POFUT3: variants seen among roughly 807,000 people sequenced by gnomAD.
POFUT3 encodes the protein GDP-fucose protein O-fucosyltransferase 3.
the POFUT3 span, chr8:33,372,404 C>T: frequency 7.1e-7 from 1 of 1,398,792 alleles, no homozygotes; most frequent in South Asian, 1.7e-5. Context: ...AGTGGCTACC[C>T]CTAAGGGTAA....
chr8:33,380,056 A>C, the POFUT3 span, among the ~76,000 whole-genome samples: 1 of 79,820 alleles, frequency 1.3e-5, no homozygotes, highest in Non-Finnish European at 2.1e-5. Context: ...TATACACTAT[A>C]TATATACACT....
chr8:33,416,246 G>C, the POFUT3 span, among the ~76,000 whole-genome samples: 3 of 152,342 alleles, frequency 2.0e-5, no homozygotes, highest in South Asian at 6.2e-4. Context: ...AATTAATCCA[G>C]GAAAGTGGAT....
At chr8:33,419,590 C>T in the POFUT3 span, among the ~76,000 whole-genome samples, 6 of 152,146 alleles carry the variant, frequency 3.9e-5, no homozygotes, top group South Asian at 2.1e-4. Context: ...CAGGCCCTGA[C>T]GTTGGGAACC....
the POFUT3 span, chr8:33,371,429 C>T: frequency 1.3e-5 from 2 of 152,224 alleles, no homozygotes; most frequent in Admixed American, 6.5e-5. Flanking sequence ...TCAATTCCCC[C>T]TCATGCCATG....
chr8:33,441,787 G>A, the POFUT3 span, among the ~76,000 whole-genome samples: 11 of 152,180 alleles, frequency 7.2e-5, no homozygotes, highest in Admixed American at 5.2e-4. Flanking sequence ...GGAGCTGCAC[G>A]CACATCTCAG....
the POFUT3 span, among the ~76,000 whole-genome samples, chr8:33,463,765 T>C: frequency 6.6e-6 from 1 of 152,182 alleles, no homozygotes; most frequent in African/African-American, 2.4e-5. Flanking sequence ...TTGTCCAGGC[T>C]GGTCTTGGAC....
the POFUT3 span, among the ~76,000 whole-genome samples, chr8:33,386,419 A>C: frequency 6.6e-6 from 1 of 152,080 alleles, no homozygotes; most frequent in African/African-American, 2.4e-5. Flanking sequence ...TCCAGAGAGA[A>C]GGACATCCAA....
At chr8:33,380,172 T>C in the POFUT3 span, among the ~76,000 whole-genome samples, 1 of 71,670 alleles carries the variant, frequency 1.4e-5, no homozygotes, top group Non-Finnish European at 2.3e-5. Flanking sequence ...ACTATATATA[T>C]ATACTATATA....
At chr8:33,380,111 C>G in the POFUT3 span, among the ~76,000 whole-genome samples, 4 of 64,942 alleles carry the variant, frequency 6.2e-5, no homozygotes, top group African/African-American at 1.6e-4. Context: ...TATATATATA[C>G]TATATATATA....
the POFUT3 span, among the ~76,000 whole-genome samples, chr8:33,374,094 T>G: frequency 2.0e-5 from 3 of 152,158 alleles, no homozygotes; most frequent in African/African-American, 7.2e-5. Flanking sequence ...GAGCTCTGCC[T>G]CCTGTCAGAT....
the POFUT3 span, among the ~76,000 whole-genome samples, chr8:33,439,723 C>T: frequency 5.9e-5 from 9 of 151,884 alleles, no homozygotes; most frequent in African/African-American, 1.9e-4. Flanking sequence ...AAAAATTAGT[C>T]AGGTACAGTG....
the POFUT3 span, among the ~76,000 whole-genome samples, chr8:33,470,505 GA>G: frequency 6.6e-6 from 1 of 152,136 alleles, no homozygotes; most frequent in Non-Finnish European, 1.5e-5. Context: ...AATTCTTCAA[GA>G]GCAGGGATTC....
the POFUT3 span, among the ~76,000 whole-genome samples, chr8:33,351,445 G>C: frequency 1.3e-5 from 2 of 152,040 alleles, no homozygotes; most frequent in African/African-American, 4.8e-5. Flanking sequence ...GAGTCGGCGG[G>C]GGGCAGGGGG....
At chr8:33,380,466 G>T in the POFUT3 span, among the ~76,000 whole-genome samples, 1 of 151,002 alleles carries the variant, frequency 6.6e-6, no homozygotes, top group Admixed American at 6.7e-5. Flanking sequence ...ATAAGAAAAT[G>T]GATGGTTTAT....
chr8:33,436,185 T>C, the POFUT3 span: 13 of 1,250,052 alleles, frequency 1.0e-5, no homozygotes, highest in Non-Finnish European at 1.4e-5. Context: ...CCTAAGGGAC[T>C]GAATGCACCA....
chr8:33,413,380 T>C, the POFUT3 span, among the ~76,000 whole-genome samples: 1 of 151,842 alleles, frequency 6.6e-6, no homozygotes, highest in Admixed American at 6.6e-5. Flanking sequence ...TCTCTCTCTC[T>C]CCCCCTCTGT....
At chr8:33,451,573 T>C in the POFUT3 span, among the ~76,000 whole-genome samples, 1 of 152,002 alleles carries the variant, frequency 6.6e-6, no homozygotes, top group Non-Finnish European at 1.5e-5. Context: ...TGTATATATG[T>C]ATGTGTGTAC....
At chr8:33,466,710 C>T in the POFUT3 span, among the ~76,000 whole-genome samples, 5 of 152,130 alleles carry the variant, frequency 3.3e-5, no homozygotes, top group Non-Finnish European at 7.3e-5. Context: ...GACAGGCAGA[C>T]TTGCAGAGAG....
At chr8:33,319,176 T>A in the POFUT3 span, among the ~76,000 whole-genome samples, 41 of 264 alleles carry the variant, frequency 0.16, 4 homozygotes, top group African/African-American at 0.18. Context: ...TATTTATATA[T>A]TATATAAAAT....
Sources: allele counts gnomAD v4.1 joint callset (sites outside exome capture counted in the v4.1 genomes callset), GRCh38; gene constraint gnomAD v4.1.1; transcripts MANE v1.5; gene names NCBI Gene and HGNC (gene_info 2026-07-23, HGNC 2026-07-21).